SDK1: variants seen among roughly 807,000 people sequenced by gnomAD.
SDK1 encodes sidekick cell adhesion molecule 1.
A neutral mutation model predicts 245.5 loss-of-function variants in SDK1; 157 were observed. That is an observed-to-expected ratio of 0.64 (90% CI 0.56 to 0.73). The LOEUF is 0.73. Among genes scored for constraint, SDK1 ranks in the 30% least tolerant of loss-of-function variants. SDK1 has a pLI of 0.00. For synonymous variants in SDK1, 1,647 were observed against 1,278.5 expected, an observed-to-expected ratio of 1.29 and a Z score of -6.15; for missense variants, 3,583 against 3,002.3, an observed-to-expected ratio of 1.19 and a Z score of -4.52.
intron 5 of SDK1, among the ~76,000 whole-genome samples, chr7:3,882,517 A>G (rs541956100): frequency 7.8e-4 from 119 of 152,230 alleles, no homozygotes; most frequent in African/African-American, 2.5e-3. Flanking sequence ...CTCAGTAAAT[A>G]CCTCCATTTG....
chr7:3,791,361 C>T (rs41891), intron 4 of SDK1, among the ~76,000 whole-genome samples: 4,118 of 152,170 alleles, frequency 0.027, 149 homozygotes, highest in African/African-American at 0.083. Context: ...ATCGGGGCTC[C>T]GTATTTTACA....
intron 1 of SDK1, among the ~76,000 whole-genome samples, chr7:3,492,611 G>T (rs1050984627): frequency 3.9e-5 from 6 of 152,354 alleles, no homozygotes; most frequent in Admixed American, 6.5e-5. Context: ...CAGTGTTCCT[G>T]TTCCTCAGCG....
At chr7:3,826,599 A>G (rs1019339834) in intron 5 of SDK1, among the ~76,000 whole-genome samples, 3 of 152,106 alleles carry the variant, frequency 2.0e-5, no homozygotes, top group Non-Finnish European at 4.4e-5. Flanking sequence ...TTTAGATAAA[A>G]CGAAATACAC....
At chr7:4,261,360 AT>A (rs903508993) in intron 44 of SDK1, among the ~76,000 whole-genome samples, 21 of 152,236 alleles carry the variant, frequency 1.4e-4, no homozygotes, top group African/African-American at 4.8e-4. Flanking sequence ...CTCCTGCAAA[AT>A]TAGGGGAGCT....
chr7:4,039,860 T>C (rs1372521130), intron 17 of SDK1, among the ~76,000 whole-genome samples: 1 of 152,154 alleles, frequency 6.6e-6, no homozygotes, highest in Non-Finnish European at 1.5e-5. Flanking sequence ...ATTTTAAAAA[T>C]CATTTTTGTT....
At chr7:4,093,741 GTC>G (rs1781957152) in intron 22 of SDK1, among the ~76,000 whole-genome samples, 1 of 152,200 alleles carries the variant, frequency 6.6e-6, no homozygotes. Flanking sequence ...AAGCAACACT[GTC>G]TCTCTCCTAA....
chr7:3,769,903 T>A (rs945302088), intron 4 of SDK1, among the ~76,000 whole-genome samples: 5 of 151,480 alleles, frequency 3.3e-5, no homozygotes, highest in African/African-American at 7.3e-5. Flanking sequence ...AGTCAAACAC[T>A]CAGATTTTCT....
intron 4 of SDK1, among the ~76,000 whole-genome samples, chr7:3,697,197 A>G (rs1784600376): frequency 6.6e-6 from 1 of 152,218 alleles, no homozygotes; most frequent in South Asian, 2.1e-4. Context: ...TTGGAAAACA[A>G]TGATAATGAT....
chr7:3,807,835 C>T (rs1779289696), intron 4 of SDK1, among the ~76,000 whole-genome samples: 1 of 152,170 alleles, frequency 6.6e-6, no homozygotes, highest in African/African-American at 2.4e-5. Context: ...CCTCTGCTTC[C>T]TTTCTGTAAC....
At chr7:3,569,711 G>T (rs973183611) in intron 1 of SDK1, among the ~76,000 whole-genome samples, 2 of 152,172 alleles carry the variant, frequency 1.3e-5, no homozygotes, top group African/African-American at 4.8e-5. Flanking sequence ...CAAAGCACTG[G>T]GTTAATTGGT....
chr7:4,154,210 G>A (rs1400599114), intron 30 of SDK1, among the ~76,000 whole-genome samples: 1 of 152,168 alleles, frequency 6.6e-6, no homozygotes, highest in South Asian at 2.1e-4. Context: ...TGGCTGTGGA[G>A]GTCAAGTTTG....
rs78089689 is a variant in SDK1 at position 3,591,654 on chromosome 7, G to C, written c.299-27426G>C. 8.1e-3 allele frequency among the ~76,000 whole-genome samples: 1,232 copies of C among 152,312 alleles called. 17 individuals carry two copies. The highest frequency in any genetic ancestry group is 0.027 in the African/African-American group (1,108 of 41,556). On this transcript the variant is annotated intron_variant, in intron 1 of 44. Coordinates refer to ENST00000404826, the MANE Select transcript of SDK1 (RefSeq NM_152744.4). ...CAGTGGGTCTGCTGTACGTTGATGG[G>C]TGGGAAGTGTTAATGATCACTGTGG...
At chr7:3,462,665 T>C (rs926090130) in intron 1 of SDK1, among the ~76,000 whole-genome samples, 2 of 152,116 alleles carry the variant, frequency 1.3e-5, no homozygotes, top group Non-Finnish European at 2.9e-5. Context: ...GCCTTATTCT[T>C]CTTGATGCCT....
intron 4 of SDK1, among the ~76,000 whole-genome samples, chr7:3,781,388 C>T (rs1440271521): frequency 6.6e-6 from 1 of 152,146 alleles, no homozygotes; most frequent in Admixed American, 6.5e-5. Context: ...GGATTATCAC[C>T]AGATGGCCCT....
At chr7:3,970,851 G>A (rs758468625) in intron 11 of SDK1, among the ~76,000 whole-genome samples, 4 of 152,148 alleles carry the variant, frequency 2.6e-5, no homozygotes, top group African/African-American at 4.8e-5. Flanking sequence ...TTGTGACTCC[G>A]AAGTTCTGGG....
intron 22 of SDK1, among the ~76,000 whole-genome samples, chr7:4,106,585 C>T (rs1030282926): frequency 5.3e-5 from 8 of 152,136 alleles, no homozygotes; most frequent in South Asian, 2.1e-4. Flanking sequence ...CGTGAGCCAC[C>T]GCGCCCGGCC....
At chr7:3,464,382 G>C (rs1235333634) in intron 1 of SDK1, among the ~76,000 whole-genome samples, 1 of 152,116 alleles carries the variant, frequency 6.6e-6, no homozygotes, top group Non-Finnish European at 1.5e-5. Context: ...AATTGGCCCA[G>C]TGTAGTGGCA....
chr7:4,098,864 G>T (rs573122892), intron 22 of SDK1, among the ~76,000 whole-genome samples: 1 of 139,200 alleles, frequency 7.2e-6, no homozygotes, highest in Admixed American at 7.4e-5. Flanking sequence ...GCAGAGATGG[G>T]GTCTCCCTAT....
intron 1 of SDK1, among the ~76,000 whole-genome samples, chr7:3,495,624 CTTAA>C (rs1782000715): frequency 6.6e-6 from 1 of 152,188 alleles, no homozygotes; most frequent in African/African-American, 2.4e-5. Context: ...AATTACTCTT[CTTAA>C]AAACAAAAGT....
Sources: gnomAD v4.1 joint callset for allele counts (sites outside exome capture counted in the v4.1 genomes callset) on GRCh38, gnomAD v4.1.1 for gene constraint, MANE v1.5 for transcripts, NCBI Gene and HGNC (gene_info 2026-07-23, HGNC 2026-07-21) for gene names.